Variants in ATP9A observed in about 807,000 individuals in gnomAD.
The protein encoded by ATP9A is ATPase phospholipid transporting 9A.
In ATP9A, 52 loss-of-function variants were observed where a neutral mutation model predicts 144.1. That is an observed-to-expected ratio of 0.36 (90% confidence interval 0.29 to 0.45). The LOEUF is 0.45. Among genes scored for constraint, ATP9A ranks in the 20% least tolerant of loss-of-function variants. The probability of loss-of-function intolerance (pLI) is 1.00; values close to 1 mark genes in which losing one functional copy is unlikely to be tolerated. For missense variants in ATP9A, 947 were observed against 1,392.7 expected, an observed-to-expected ratio of 0.68 and a Z score of 5.09; for synonymous variants, 582 against 557.4, an observed-to-expected ratio of 1.04 and a Z score of -0.62.
At chr20:51,682,575 A>ATATTTTTTTTTTTT (rs2077504448) in intron 9 of ATP9A, among the ~76,000 whole-genome samples, 1 of 32,814 alleles carries the variant, frequency 3.0e-5, no homozygotes, top group Non-Finnish European at 7.5e-5. Context: ...TTTTCACTGT[A>ATATTTTTTTTTTTT]TCTTTTTTTT....
chr20:51,668,201 G>C lies in ATP9A; in HGVS notation c.1293+1796C>G, dbSNP rs192120748. Among the ~76,000 whole-genome samples the C allele has an allele frequency of 6.8e-3, 1,006 of 148,244 alleles. 9 individuals are homozygous for C. Among genetic ancestry groups the C allele is most frequent in the Non-Finnish European group, 0.011 (743 of 67,000 alleles). ...GGAAAAAAAAAAAAAAGGCCGAAGG[G>C]GTGATCTAGTGATCGGGTGGGAGCA... On this transcript the variant is annotated intron_variant, in intron 13 of 27. Transcript: ENST00000338821.
chr20:51,731,260 C>T (rs1431949516), intron 1 of ATP9A, among the ~76,000 whole-genome samples: 1 of 150,072 alleles, frequency 6.7e-6, no homozygotes, highest in Non-Finnish European at 1.5e-5. Context: ...GCTATTGCCA[C>T]TGCACTCCAG....
At chr20:51,705,900 C>T (rs1309330523) in intron 4 of ATP9A, among the ~76,000 whole-genome samples, 4 of 152,288 alleles carry the variant, frequency 2.6e-5, no homozygotes, top group African/African-American at 9.6e-5. Context: ...GCTTTATTTC[C>T]AGTGCCACTG....
rs2077122083 is a variant in ATP9A, at chr20:51,596,998, A to G, written c.*4213T>C. The G allele has an allele frequency of 6.6e-6, 1 of 152,226 alleles. No homozygotes were observed. The highest frequency in any genetic ancestry group is 2.1e-4 in the South Asian group (1 of 4,824). The allele number at this position is 152,226 out of a possible 1,614,324, so 9.4% of individuals were successfully genotyped here. A position where few individuals can be genotyped will look rare whatever the true frequency, so the allele number is the denominator to read the frequency against. Reference sequence around the variant, plus strand: ...AATTTGCAATGAGGATTACAGAGAGAGAGATCAACCAATGAGGAAATCACA... The same window carrying G: ...AATTTGCAATGAGGATTACAGAGAGGGAGATCAACCAATGAGGAAATCACA... On this transcript the variant is annotated 3_prime_UTR_variant, in exon 28 of 28. Transcript: ENST00000338821.
At chr20:51,685,530 T>C (rs2077519437) in intron 9 of ATP9A, among the ~76,000 whole-genome samples, 1 of 150,094 alleles carries the variant, frequency 6.7e-6, no homozygotes, top group Non-Finnish European at 1.5e-5. Context: ...AACACTGCAC[T>C]CCAGCCTGGG....
intron 13 of ATP9A, among the ~76,000 whole-genome samples, chr20:51,665,325 T>C (rs1335776217): frequency 6.6e-6 from 1 of 152,226 alleles, no homozygotes; most frequent in Non-Finnish European, 1.5e-5. Flanking sequence ...ACAGTACCAA[T>C]GTTTGCACAG....
intron 26 of ATP9A, among the ~76,000 whole-genome samples, chr20:51,607,032 A>T (rs1243689571): frequency 6.6e-6 from 1 of 151,174 alleles, no homozygotes; most frequent in Non-Finnish European, 1.5e-5. Context: ...AAAATATATA[A>T]ATAAATAAAT....
At chr20:51,768,281 C>T in intron 1 of ATP9A, 21 bp downstream of exon 1, 11 of 1,255,814 alleles carry the variant, frequency 8.8e-6, no homozygotes, top group Non-Finnish European at 1.0e-5. Context: ...CAAAGGAAAA[C>T]ACGGGCCCAG....
rs768248946 is a variant in ATP9A at position 51,639,460 on chromosome 20, C to A, written c.1551G>T (p.Val517=). 6.2e-7 allele frequency: 1 copy of A among 1,613,736 alleles called. No individual in the cohort carries two copies. Among genetic ancestry groups the A allele is most frequent in the Non-Finnish European group, 8.5e-7 (1 of 1,179,780 alleles). Residue 517 remains valine (V), a synonymous_variant, in exon 15 of 28, where the codon GTG becomes GTT. Transcript: ENST00000338821. Reference sequence around the variant, plus strand: ...GCTGCATGGAAGACTGGTCTCGGCCCACCAGGGTTAAGCCCACACTTTCCG... The same window carrying A: ...GCTGCATGGAAGACTGGTCTCGGCCAACCAGGGTTAAGCCCACACTTTCCG... ...QWTESVGLTL[V]GRDQSSMQLR...
chr20:51,708,673 T>A (rs985904543), intron 4 of ATP9A, among the ~76,000 whole-genome samples: 11 of 152,030 alleles, frequency 7.2e-5, no homozygotes. Flanking sequence ...GAGGTGGAGG[T>A]TGCAGTGAGC....
chr20:51,659,986 C>T (rs777397394), intron 13 of ATP9A, among the ~76,000 whole-genome samples: 2 of 151,956 alleles, frequency 1.3e-5, no homozygotes, highest in Admixed American at 1.3e-4. Context: ...CATTATTTGC[C>T]GAGTGCTTTT....
At chr20:51,709,352 T>C (rs2077627799) in intron 4 of ATP9A, among the ~76,000 whole-genome samples, 1 of 151,976 alleles carries the variant, frequency 6.6e-6, no homozygotes. Context: ...CCGTCTCTAC[T>C]AAAAATACAA....
chr20:51,634,362 T>G (rs965038690), intron 15 of ATP9A, among the ~76,000 whole-genome samples: 2 of 152,190 alleles, frequency 1.3e-5, no homozygotes, highest in Non-Finnish European at 2.9e-5. Flanking sequence ...GGATCTATGC[T>G]GCTGCTTCCA....
intron 1 of ATP9A, among the ~76,000 whole-genome samples, chr20:51,767,389 GCCCACCCCCGTCCTT>G (rs1430693335): frequency 6.6e-6 from 1 of 151,476 alleles, no homozygotes; most frequent in Non-Finnish European, 1.5e-5. Context: ...TTGCACCAGC[GCCCACCCCCGTCCTT>G]CCCACCCCCG....
At position 51,706,487 on chromosome 20, in the gene ATP9A, A is replaced by C. The variant is rs1219312208; in HGVS notation, c.436+6479T>G. 3.3e-5 allele frequency among the ~76,000 whole-genome samples: 5 copies of C among 152,268 alleles called. No individual in the cohort carries two copies. In the East Asian group the frequency reaches 5.8e-4, roughly 18 times the overall value. ...TAGAAGACTACAGACTAGGCTGGGCACATTGGCTTATGCCTGTAATCCCAA... is the reference window on the plus strand; with the variant it reads ...TAGAAGACTACAGACTAGGCTGGGCCCATTGGCTTATGCCTGTAATCCCAA... On this transcript the variant is annotated intron_variant, in intron 4 of 27. Coordinates refer to ENST00000338821, the MANE Select transcript of ATP9A (RefSeq NM_006045.3).
intron 1 of ATP9A, among the ~76,000 whole-genome samples, chr20:51,761,527 C>T (rs996528064): frequency 1.3e-5 from 2 of 152,102 alleles, no homozygotes; most frequent in Non-Finnish European, 2.9e-5. Context: ...TTTGGGAGGC[C>T]AAGGCGGGCA....
At chr20:51,698,611 G>T (rs1450972653) in intron 4 of ATP9A, among the ~76,000 whole-genome samples, 1 of 152,134 alleles carries the variant, frequency 6.6e-6, no homozygotes, top group East Asian at 1.9e-4. Flanking sequence ...AGGGGAGGAG[G>T]CAATAAACAA....
chr20:51,689,948 T>C (rs547432120), intron 8 of ATP9A, among the ~76,000 whole-genome samples: 25 of 149,212 alleles, frequency 1.7e-4, no homozygotes, highest in African/African-American at 6.2e-4. Context: ...CCGTCTCTAC[T>C]AAAAATACAA....
rs542355833 is a variant in ATP9A, at chr20:51,672,527, C to T, written c.1038-1270G>A. Among the ~76,000 whole-genome samples the T allele has an allele frequency of 3.3e-5, 5 of 152,204 alleles. No homozygotes were observed. The South Asian group carries it at 1.0e-3, about 32-fold the overall frequency. ...AGTGGATGTATTTATCCTCTGAATC[C>T]ACCATCCAGAGCATGCTGACTTGGG... On this transcript the variant is annotated intron_variant, in intron 11 of 27. Transcript: ENST00000338821.
Sources: allele counts gnomAD v4.1 joint callset (sites outside exome capture counted in the v4.1 genomes callset), GRCh38; gene constraint gnomAD v4.1.1; transcripts MANE v1.5; gene names NCBI Gene and HGNC (gene_info 2026-07-23, HGNC 2026-07-21).